Variants in TMOD1 observed in about 807,000 individuals in gnomAD.
TMOD1 encodes the protein tropomodulin 1, also known as tropomodulin-1.
Under a neutral mutation model 40.6 loss-of-function variants are expected in TMOD1, and 17 were observed. That is an observed-to-expected ratio of 0.42 (90% confidence interval 0.29 to 0.63). The LOEUF is 0.63. Ranked by LOEUF, TMOD1 falls within the 20% of genes least tolerant of loss-of-function variation. The pLI is 0.22. For synonymous variants in TMOD1, 181 were observed against 175.0 expected (o/e 1.03, Z -0.27); for missense variants, 391 against 447.6 (o/e 0.87, Z 1.14).
chr9:97,569,078 C>A, intron 8 of TMOD1, 41 bp downstream of exon 8: 1 of 1,606,094 alleles, frequency 6.2e-7, no homozygotes, highest in Non-Finnish European at 8.5e-7. Flanking sequence ...TTACTACATG[C>A]AGCTCGCTGG....
chr9:97,566,007 G>A, intron 7 of TMOD1, 52 bp downstream of exon 7: 1 of 1,511,776 alleles, frequency 6.6e-7, no homozygotes. Context: ...TGAAACAGAA[G>A]GGTTGAAATA....
chr9:97,584,760 C>T (rs1425656269), intron 8 of TMOD1, among the ~76,000 whole-genome samples: 2 of 152,066 alleles, frequency 1.3e-5, no homozygotes, highest in Non-Finnish European at 2.9e-5. Context: ...ATGTAATGGC[C>T]TTCTTTGTCT....
At chr9:97,564,228 C>T in intron 6 of TMOD1, 60 bp downstream of exon 6, 25 of 1,540,602 alleles carry the variant, frequency 1.6e-5, no homozygotes, top group Non-Finnish European at 2.2e-5. Context: ...ACCATGTCAC[C>T]CAAATGCAAA....
intron 2 of TMOD1, among the ~76,000 whole-genome samples, chr9:97,533,988 A>G (rs2131232870): frequency 6.6e-6 from 1 of 152,314 alleles, no homozygotes; most frequent in African/African-American, 2.4e-5. Flanking sequence ...CTATAGCCAT[A>G]ATAGCCACAT....
intron 8 of TMOD1, among the ~76,000 whole-genome samples, chr9:97,572,609 G>T (rs917308768): frequency 6.6e-6 from 1 of 152,190 alleles, no homozygotes; most frequent in Non-Finnish European, 1.5e-5. Flanking sequence ...GGGAGGCAGG[G>T]CAGTGTGACA....
chr9:97,573,671 T>G (rs1223942458), intron 8 of TMOD1, among the ~76,000 whole-genome samples: 1 of 152,182 alleles, frequency 6.6e-6, no homozygotes, highest in Non-Finnish European at 1.5e-5. Flanking sequence ...GCTTCCACCA[T>G]GGCTCCCTCA....
intron 2 of TMOD1, among the ~76,000 whole-genome samples, chr9:97,538,316 A>G (rs1426379927): frequency 2.0e-5 from 3 of 152,234 alleles, no homozygotes; most frequent in African/African-American, 7.2e-5. Context: ...AAATAAGGAC[A>G]TAAAGATATC....
At chr9:97,571,491 G>C (rs1587950353) in intron 8 of TMOD1, among the ~76,000 whole-genome samples, 1 of 152,250 alleles carries the variant, frequency 6.6e-6, no homozygotes, top group South Asian at 2.1e-4. Context: ...CTGGGAAGGT[G>C]AACTAGGGGA....
chr9:97,552,294 C>G (rs569049631), intron 3 of TMOD1, among the ~76,000 whole-genome samples: 75 of 151,102 alleles, frequency 5.0e-4, no homozygotes, highest in African/African-American at 1.8e-3. Flanking sequence ...TATCAGGTCC[C>G]AGGTCACAAG....
At chr9:97,559,134 C>T (rs890305192) in intron 4 of TMOD1, among the ~76,000 whole-genome samples, 4 of 152,180 alleles carry the variant, frequency 2.6e-5, no homozygotes, top group Non-Finnish European at 5.9e-5. Flanking sequence ...AAAACCTGTA[C>T]GAAACCCCAG....
intron 8 of TMOD1, among the ~76,000 whole-genome samples, chr9:97,589,133 A>AAG (rs1825944145): frequency 6.7e-6 from 1 of 148,460 alleles, no homozygotes. Context: ...AAAAAAAAAA[A>AAG]AAGAAGAAGA....
intron 8 of TMOD1, among the ~76,000 whole-genome samples, chr9:97,576,820 T>A (rs1221080116): frequency 1.3e-5 from 2 of 151,972 alleles, no homozygotes; most frequent in African/African-American, 2.4e-5. Context: ...TTGTATTTTT[T>A]AGTAGAGACC....
At chr9:97,531,565 C>T (rs962422403) in intron 2 of TMOD1, among the ~76,000 whole-genome samples, 2 of 152,114 alleles carry the variant, frequency 1.3e-5, no homozygotes, top group Non-Finnish European at 2.9e-5. Context: ...GAGCCAAGAT[C>T]ATGCCACTGC....
intron 8 of TMOD1, among the ~76,000 whole-genome samples, chr9:97,586,670 A>G (rs1327124511): frequency 1.3e-5 from 2 of 152,200 alleles, no homozygotes; most frequent in African/African-American, 4.8e-5. Context: ...CTGTGGGCGT[A>G]GGACCCTCCG....
chr9:97,559,793 AAATATATAT>A (rs1240073500), intron 4 of TMOD1, among the ~76,000 whole-genome samples: 12 of 31,514 alleles, frequency 3.8e-4, no homozygotes, highest in African/African-American at 1.3e-3. Context: ...AAAAAAAAAA[AAATATATAT>A]ATATATATAT....
chr9:97,559,129 C>T (rs1010334851), intron 4 of TMOD1, among the ~76,000 whole-genome samples: 1 of 152,164 alleles, frequency 6.6e-6, no homozygotes, highest in Non-Finnish European at 1.5e-5. Flanking sequence ...CCCGCAAAAC[C>T]TGTACGAAAC....
intron 4 of TMOD1, among the ~76,000 whole-genome samples, chr9:97,556,889 T>G (rs1456351682): frequency 2.0e-5 from 3 of 152,192 alleles, no homozygotes; most frequent in Admixed American, 2.0e-4. Context: ...GGTTCCGGGC[T>G]GGGGAGGGCA....
chr9:97,556,507 C>T (rs113860129), intron 4 of TMOD1, among the ~76,000 whole-genome samples: 47 of 152,192 alleles, frequency 3.1e-4, no homozygotes, highest in Non-Finnish European at 5.7e-4. Context: ...GGACATGGGG[C>T]GTCCAGGTCA....
rs1173851019 is a variant in TMOD1, at chr9:97,513,546, T to G, written c.-48-10595T>G. 6.6e-6 allele frequency: 1 copy of G among 152,138 alleles called. No homozygotes were observed. Among genetic ancestry groups the G allele is most frequent in the Non-Finnish European group, 1.5e-5 (1 of 68,068 alleles). 9.4% of individuals were successfully genotyped at this position (152,138 alleles called of 1,614,324 possible). On this transcript the variant is annotated intron_variant, in intron 1 of 9. Transcript: ENST00000259365. This position sits in a 1 kb window ranked among gnomAD's most constrained non-coding sequence, Gnocchi z 4.1. ...GGGTGGTGGATGAAGAGAGGACGGG[T>G]GTGACATTATCCCAGGATCTCTGTG...
Sources: allele counts gnomAD v4.1 joint callset (sites outside exome capture counted in the v4.1 genomes callset), GRCh38; gene constraint gnomAD v4.1.1; non-coding constraint Gnocchi (gnomAD v3.1); transcripts MANE v1.5; gene names NCBI Gene and HGNC (gene_info 2026-07-23, HGNC 2026-07-21).